Variants in KCNH7 observed in about 807,000 individuals in gnomAD.
The protein encoded by KCNH7 is potassium voltage-gated channel subfamily H member 7.
A neutral mutation model predicts 120.8 loss-of-function variants in KCNH7; 49 were observed. The observed-to-expected ratio is 0.41, with a 90% CI of 0.32 to 0.51. KCNH7 has a LOEUF of 0.51. KCNH7 is among the 20% of genes least tolerant of loss of function. The pLI, the probability that KCNH7 is intolerant of heterozygous loss-of-function variation, is 0.38. For synonymous variants in KCNH7, 547 were observed against 516.1 expected (o/e 1.06, Z -0.81); for missense variants, 1,097 against 1,446.6 (o/e 0.76, Z 3.92).
At chr2:162,703,171 G>T (rs907901725) in intron 2 of KCNH7, among the ~76,000 whole-genome samples, 1 of 151,964 alleles carries the variant, frequency 6.6e-6, no homozygotes, top group Non-Finnish European at 1.5e-5. Flanking sequence ...GTTAATAATA[G>T]ATATGCCACA....
chr2:162,402,126 T>C (rs1348587471), intron 9 of KCNH7, among the ~76,000 whole-genome samples: 1 of 151,432 alleles, frequency 6.6e-6, no homozygotes, highest in Admixed American at 6.6e-5. Context: ...ATGACTGGAC[T>C]CCTTCCAGGT....
At chr2:162,503,558 A>C (rs568870555) in intron 6 of KCNH7, among the ~76,000 whole-genome samples, 1 of 152,052 alleles carries the variant, frequency 6.6e-6, no homozygotes, top group Admixed American at 6.6e-5. Flanking sequence ...CAGCTCACAC[A>C]TAAGAGGTTA....
intron 2 of KCNH7, among the ~76,000 whole-genome samples, chr2:162,662,271 G>A (rs1684990177): frequency 6.8e-6 from 1 of 146,214 alleles, no homozygotes; most frequent in African/African-American, 2.5e-5. Context: ...TCAAAAAAAG[G>A]AAAAGAAAAG....
intron 2 of KCNH7, among the ~76,000 whole-genome samples, chr2:162,593,381 G>C (rs1388174389): frequency 6.6e-6 from 1 of 152,064 alleles, no homozygotes; most frequent in Non-Finnish European, 1.5e-5. Context: ...CTCTCTTGAA[G>C]AGTAGGGATA....
intron 6 of KCNH7, among the ~76,000 whole-genome samples, chr2:162,477,057 C>T (rs1173177795): frequency 6.6e-6 from 1 of 152,070 alleles, no homozygotes; most frequent in Non-Finnish European, 1.5e-5. Flanking sequence ...TCATTCAGGC[C>T]ACCTATTTAA....
chr2:162,689,957 A>G (rs111877987), intron 2 of KCNH7, among the ~76,000 whole-genome samples: 1,633 of 152,304 alleles, frequency 0.011, 25 homozygotes, highest in African/African-American at 0.037. Flanking sequence ...TATTCACAAT[A>G]GCGAAGACAA....
chr2:162,634,453 C>T (rs1383433399), intron 2 of KCNH7, among the ~76,000 whole-genome samples: 1 of 152,058 alleles, frequency 6.6e-6, no homozygotes, highest in Non-Finnish European at 1.5e-5. Flanking sequence ...AATATCTTCA[C>T]AGCAATTAGC....
chr2:162,445,890 C>T, intron 7 of KCNH7, 128 bp downstream of exon 7: 1 of 718,076 alleles, frequency 1.4e-6, no homozygotes, highest in African/African-American at 1.8e-5. Context: ...GTAGTATCCC[C>T]AATTGAAAAT....
chr2:162,509,216 A>T (rs1233106569), intron 5 of KCNH7, among the ~76,000 whole-genome samples: 1 of 151,578 alleles, frequency 6.6e-6, no homozygotes, highest in African/African-American at 2.4e-5. Flanking sequence ...CGATGAGGCT[A>T]TTTAAATTTA....
intron 2 of KCNH7, among the ~76,000 whole-genome samples, chr2:162,791,307 C>A (rs1407509469): frequency 6.6e-6 from 1 of 151,606 alleles, no homozygotes; most frequent in African/African-American, 2.4e-5. Flanking sequence ...GTTTTTTTTC[C>A]TAGTTCTGTG....
intron 2 of KCNH7, among the ~76,000 whole-genome samples, chr2:162,702,067 A>G (rs545816318): frequency 4.6e-4 from 70 of 152,200 alleles, no homozygotes; most frequent in Admixed American, 1.6e-3. Flanking sequence ...AGCATTATAT[A>G]GTTCAGTCAA....
chr2:162,833,478 G>A (rs180912685), intron 2 of KCNH7, among the ~76,000 whole-genome samples: 1 of 152,180 alleles, frequency 6.6e-6, no homozygotes, highest in African/African-American at 2.4e-5. Context: ...AGAGTTTTAT[G>A]TCAAAAGATT....
intron 2 of KCNH7, among the ~76,000 whole-genome samples, chr2:162,598,310 A>T (rs1348106292): frequency 6.6e-6 from 1 of 152,096 alleles, no homozygotes; most frequent in Non-Finnish European, 1.5e-5. Context: ...AAATCTTGCA[A>T]AAAAGAGACC....
chr2:162,437,839 G>A (rs1388116296), intron 7 of KCNH7, among the ~76,000 whole-genome samples: 1 of 152,104 alleles, frequency 6.6e-6, no homozygotes, highest in African/African-American at 2.4e-5. Flanking sequence ...AATCACAAGT[G>A]GGGGCCTTTC....
chr2:162,488,716 T>C (rs908406588), intron 6 of KCNH7, among the ~76,000 whole-genome samples: 2 of 152,204 alleles, frequency 1.3e-5, no homozygotes, highest in African/African-American at 2.4e-5. Context: ...GGTGCCCCAC[T>C]GCACTGTTTT....
chr2:162,552,527 A>G (rs1692704617), intron 2 of KCNH7, among the ~76,000 whole-genome samples: 1 of 152,230 alleles, frequency 6.6e-6, no homozygotes, highest in African/African-American at 2.4e-5. Context: ...CAGATTCTGA[A>G]TAATTCCAGT....
chr2:162,618,500 T>C lies in KCNH7; in HGVS notation c.308-81420A>G, dbSNP rs116462782. On this transcript the variant is annotated intron_variant, in intron 2 of 15. Transcript: ENST00000332142. ...TAAATGAATACACAGAAATCACTAG[T>C]TTAAAAAAAACCCCAAGTACTGATT... 4.5e-3 allele frequency among the ~76,000 whole-genome samples: 679 copies of C among 152,158 alleles called. 7 individuals carry two copies. The highest frequency in any genetic ancestry group is 0.016 in the African/African-American group (652 of 41,542).
At position 162,429,434 on chromosome 2, in the gene KCNH7, C is replaced by T. The variant is rs1020276267; in HGVS notation, c.1954+5764G>A. ...CACACATTTACCACTTCTAGTTTTT[C>T]GTTCCTTTGTGTTGATCCAAATTTT... On this transcript the variant is annotated intron_variant, in intron 8 of 15. Coordinates refer to ENST00000332142, the MANE Select transcript of KCNH7 (RefSeq NM_033272.4). 4.7e-3 allele frequency among the ~76,000 whole-genome samples: 308 copies of T among 65,254 alleles called. 2 individuals carry two copies. Among genetic ancestry groups the T allele is most frequent in the African/African-American group, 0.016 (266 of 16,680 alleles). The allele number at this position is 65,254 out of a possible 152,430, so 42.8% of individuals were successfully genotyped here. A position where few individuals can be genotyped will look rare whatever the true frequency, so the allele number is the denominator to read the frequency against.
intron 2 of KCNH7, among the ~76,000 whole-genome samples, chr2:162,570,303 T>C (rs1316082079): frequency 6.6e-6 from 1 of 151,638 alleles, no homozygotes; most frequent in East Asian, 1.9e-4. Context: ...TTTGTTTCTT[T>C]TGATCTTTGT....
Sources: allele counts gnomAD v4.1 joint callset (sites outside exome capture counted in the v4.1 genomes callset), GRCh38; gene constraint gnomAD v4.1.1; transcripts MANE v1.5; gene names NCBI Gene and HGNC (gene_info 2026-07-23, HGNC 2026-07-21).